The following LARGE1 variants were observed in gnomAD, a reference collection of about 807,000 sequenced individuals.
LARGE1 encodes the protein LARGE xylosyl- and glucuronyltransferase 1, also known as xylosyl- and glucuronyltransferase LARGE1.
In LARGE1, 43 loss-of-function variants were observed where a neutral mutation model predicts 87.6. That is an observed-to-expected ratio of 0.49 (90% CI 0.38 to 0.63). The LOEUF is 0.63. Ranked by LOEUF, LARGE1 falls within the 30% of genes least tolerant of loss-of-function variation. The pLI is 0.00. For synonymous variants in LARGE1, 434 were observed against 394.6 expected, an observed-to-expected ratio of 1.10 and a Z score of -1.18; for missense variants, 802 against 1,000.2, an observed-to-expected ratio of 0.80 and a Z score of 2.67.
At chr22:33,382,114 G>A in intron 8 of LARGE1, 70 bp from the exon 9 acceptor site, 1 of 1,599,458 alleles carries the variant, frequency 6.3e-7, no homozygotes, top group Non-Finnish European at 8.5e-7. Flanking sequence ...GGCTCTCAAG[G>A]CACTGCATCC....
chr22:33,846,083 C>G (rs1262663298), intron 1 of LARGE1, among the ~76,000 whole-genome samples: 1 of 152,124 alleles, frequency 6.6e-6, no homozygotes, highest in Non-Finnish European at 1.5e-5. Context: ...TGTCATTTAA[C>G]CTGCATCTCT....
chr22:33,686,404 G>A (rs118184967), intron 2 of LARGE1, among the ~76,000 whole-genome samples: 11,114 of 151,888 alleles, frequency 0.073, 533 homozygotes, highest in Middle Eastern at 0.11. Context: ...TAGCCAGGCC[G>A]TGGTGGTGCG....
At chr22:33,357,275 C>T (rs1940981797) in intron 9 of LARGE1, among the ~76,000 whole-genome samples, 1 of 150,970 alleles carries the variant, frequency 6.6e-6, no homozygotes, top group Non-Finnish European at 1.5e-5. Context: ...ACTACATGTT[C>T]TCATTTTAAG....
chr22:33,082,700 A>G, the LARGE1 span, among the ~76,000 whole-genome samples: 1 of 152,190 alleles, frequency 6.6e-6, no homozygotes, highest in Non-Finnish European at 1.5e-5. Context: ...CCGGACCACA[A>G]TGAAGGAGAG....
At chr22:33,599,250 A>G (rs1199693203) in intron 5 of LARGE1, among the ~76,000 whole-genome samples, 1 of 152,152 alleles carries the variant, frequency 6.6e-6, no homozygotes, top group African/African-American at 2.4e-5. Context: ...ATGCTCTTCA[A>G]CCCCACACTT....
At chr22:33,768,921 A>G (rs978735461) in intron 1 of LARGE1, among the ~76,000 whole-genome samples, 1 of 152,222 alleles carries the variant, frequency 6.6e-6, no homozygotes, top group South Asian at 2.1e-4. Context: ...CAGGTGATTC[A>G]TATATACACG....
At chr22:33,785,638 A>G (rs1273893144) in intron 1 of LARGE1, among the ~76,000 whole-genome samples, 1 of 152,220 alleles carries the variant, frequency 6.6e-6, no homozygotes, top group African/African-American at 2.4e-5. Flanking sequence ...CACAGGGCCA[A>G]CTGGAGGGGA....
chr22:33,735,845 T>C (rs1416551408), intron 2 of LARGE1, among the ~76,000 whole-genome samples: 1 of 152,198 alleles, frequency 6.6e-6, no homozygotes, highest in African/African-American at 2.4e-5. Flanking sequence ...TCTATCTCTA[T>C]GGACTGGCCA....
intron 6 of LARGE1, among the ~76,000 whole-genome samples, chr22:33,497,066 C>CT (rs1261217388): frequency 1.5e-5 from 2 of 134,586 alleles, no homozygotes; most frequent in Non-Finnish European, 3.2e-5. Flanking sequence ...ATTTTCTTTT[C>CT]TTTTCTTTTT....
At chr22:33,547,337 C>G (rs745786283) in intron 6 of LARGE1, among the ~76,000 whole-genome samples, 1 of 141,266 alleles carries the variant, frequency 7.1e-6, no homozygotes, top group South Asian at 2.3e-4. Context: ...CCCTCGCATG[C>G]GCAGTTCACA....
chr22:33,104,834 C>T, the LARGE1 span, among the ~76,000 whole-genome samples: 11 of 152,304 alleles, frequency 7.2e-5, no homozygotes, highest in African/African-American at 2.2e-4. Flanking sequence ...AGGTGAATCT[C>T]GAGCCCGTTT....
At chr22:33,149,114 T>C in the LARGE1 span, among the ~76,000 whole-genome samples, 1 of 151,344 alleles carries the variant, frequency 6.6e-6, no homozygotes, top group Non-Finnish European at 1.5e-5. Flanking sequence ...CTCGGCTCAC[T>C]GCAATCTCCG....
the LARGE1 span, among the ~76,000 whole-genome samples, chr22:33,119,333 A>T: frequency 1.3e-5 from 2 of 151,638 alleles, no homozygotes; most frequent in African/African-American, 4.8e-5. Flanking sequence ...GCTTTTATAT[A>T]TTTTTTTTTA....
chr22:33,067,633 G>C, the LARGE1 span, among the ~76,000 whole-genome samples: 1 of 152,134 alleles, frequency 6.6e-6, no homozygotes, highest in African/African-American at 2.4e-5. Flanking sequence ...GTCAGGAGTT[G>C]AACCCAGATC....
intron 2 of LARGE1, among the ~76,000 whole-genome samples, chr22:33,735,603 T>G (rs1374091872): frequency 6.6e-6 from 1 of 152,226 alleles, no homozygotes; most frequent in Non-Finnish European, 1.5e-5. Context: ...GGTCCTGTTT[T>G]GCCTTCAGCA....
intron 1 of LARGE1, among the ~76,000 whole-genome samples, chr22:33,906,241 CT>C (rs1401580863): frequency 1.3e-5 from 2 of 152,094 alleles, no homozygotes; most frequent in African/African-American, 4.8e-5. Flanking sequence ...TCATCTCAGG[CT>C]GATCAATTTC....
intron 9 of LARGE1, among the ~76,000 whole-genome samples, chr22:33,374,843 A>G (rs1490497311): frequency 6.6e-6 from 1 of 152,124 alleles, no homozygotes; most frequent in East Asian, 1.9e-4. Flanking sequence ...AAATAACTAA[A>G]TTTCCATGTT....
Position 33,493,309 on chromosome 22 carries a change from C to T in LARGE1, c.788-61044G>A, listed in dbSNP as rs546012415. ...CCTAGCAGCTGGGATTACAGGCGCG[C>T]GCCACTATGTCCAGCTAATTTTTGT... On this transcript the variant is annotated intron_variant, in intron 6 of 14. Transcript: ENST00000397394. Among the ~76,000 whole-genome samples the T allele has an allele frequency of 3.5e-3, 538 of 151,878 alleles. 4 individuals are homozygous for T. Among genetic ancestry groups the T allele is most frequent in the South Asian group, 0.024 (113 of 4,776 alleles).
At chr22:33,859,721 A>G (rs2063857651) in intron 1 of LARGE1, among the ~76,000 whole-genome samples, 1 of 152,210 alleles carries the variant, frequency 6.6e-6, no homozygotes, top group Non-Finnish European at 1.5e-5. Context: ...CCATTATGAC[A>G]TGTATGGTTC....
Sources: allele counts gnomAD v4.1 joint callset (sites outside exome capture counted in the v4.1 genomes callset), GRCh38; gene constraint gnomAD v4.1.1; transcripts MANE v1.5; gene names NCBI Gene and HGNC (gene_info 2026-07-23, HGNC 2026-07-21).